The following AKAP8 variants were observed in gnomAD, a reference collection of about 807,000 sequenced individuals.
AKAP8 encodes the protein A-kinase anchor protein 8.
Under a neutral mutation model 67.5 loss-of-function variants are expected in AKAP8, and 24 were observed. That is an observed-to-expected ratio of 0.36 (90% CI 0.26 to 0.50). AKAP8 has a LOEUF of 0.50. AKAP8 is among the 20% of genes least tolerant of loss of function. The pLI, the probability that AKAP8 is intolerant of heterozygous loss-of-function variation, is 0.97. For missense variants in AKAP8, 971 were observed against 955.9 expected (o/e 1.02, Z -0.21); for synonymous variants, 400 against 371.1 (o/e 1.08, Z -0.90).
At position 15,373,987 on chromosome 19, in the gene AKAP8, G is replaced by C; in HGVS notation, c.170C>G (p.Ser57Trp). The C allele has an allele frequency of 1.2e-6, 2 of 1,612,892 alleles. No homozygotes were observed. Among genetic ancestry groups the C allele is most frequent in the Middle Eastern group, 1.7e-4 (1 of 5,982 alleles). Reference sequence around the variant, plus strand: ...ATCATTGGCCTTGGCGGCCTCCCACGAGGCTGGGCCGTAGCTGTAGGTTGC... The same window carrying C: ...ATCATTGGCCTTGGCGGCCTCCCACCAGGCTGGGCCGTAGCTGTAGGTTGC... ...TGATYSYGPA[S>W]WEAAKANDGG... Residue 57 changes from serine to tryptophan, a missense_variant, in exon 4 of 14, where the codon TCG becomes TGG. By Grantham distance (177) the Ser-to-Trp change is radical (BLOSUM62 -3). Coordinates refer to ENST00000269701, the MANE Select transcript of AKAP8 (RefSeq NM_005858.4).
chr19:15,371,843 A>G, intron 7 of AKAP8, 109 bp downstream of exon 7: 1 of 1,228,612 alleles, frequency 8.1e-7, no homozygotes, highest in South Asian at 1.3e-5. Context: ...ATCCACTCAG[A>G]GGTAGTCAAA....
chr19:15,360,088 TCG>T, intron 12 of AKAP8, among the ~76,000 whole-genome samples: 1 of 151,822 alleles, frequency 6.6e-6, no homozygotes, highest in African/African-American at 2.4e-5. Context: ...TGAACTGAGA[TCG>T]TGCCACTGCA....
At chr19:15,368,689 T>C (rs1967107744) in intron 8 of AKAP8, 11 of 985,198 alleles carry the variant, frequency 1.1e-5, no homozygotes, top group Non-Finnish European at 1.3e-5. Context: ...AGAAGCCAAT[T>C]CTCCCCGGAT....
At chr19:15,362,865 A>C (rs1966995193) in intron 9 of AKAP8, among the ~76,000 whole-genome samples, 1 of 143,222 alleles carries the variant, frequency 7.0e-6, no homozygotes, top group South Asian at 2.3e-4. Context: ...CCCAGTCTGG[A>C]AAGTGAGGAG....
chr19:15,363,448 C>A (rs1358053949), intron 9 of AKAP8, among the ~76,000 whole-genome samples: 2 of 141,858 alleles, frequency 1.4e-5, no homozygotes, highest in South Asian at 4.6e-4. Flanking sequence ...GAGGAGCCCC[C>A]CTGCCCGGCC....
rs1599571691 is a variant in AKAP8 at position 15,373,854 on chromosome 19, G to C, written c.303C>G (p.Asp101Glu). ...SLIAKINQRL[D>E]MMSKEGGRGG... ...CCCTGCCTCCTTCCTTGGACATCATGTCCAAACGCTGGTTGATCTTGGCAA... is the reference window on the plus strand; with the variant it reads ...CCCTGCCTCCTTCCTTGGACATCATCTCCAAACGCTGGTTGATCTTGGCAA... The change falls in exon 4 of 14, where the codon GAC becomes GAG. Residue 101 changes from aspartate (D) to glutamate (E), a missense_variant. Asp to Glu is a conservative substitution (Grantham distance 45, BLOSUM62 2). Transcript: ENST00000269701. 3 of 1,612,808 alleles carry C rather than the reference G, an allele frequency of 1.9e-6. No individual in the cohort carries two copies. Among genetic ancestry groups the C allele is most frequent in the South Asian group, 1.1e-5 (1 of 91,028 alleles).
intron 5 of AKAP8, 97 bp downstream of exon 5, chr19:15,372,754 A>C: frequency 7.1e-7 from 1 of 1,402,676 alleles, no homozygotes; most frequent in Non-Finnish European, 9.3e-7. Flanking sequence ...CGCACTTAAA[A>C]ACATTTAAGT....
At chr19:15,368,935 A>C (rs1266631593) in intron 8 of AKAP8, 3 of 985,934 alleles carry the variant, frequency 3.0e-6, no homozygotes. Context: ...GAAGAGACCA[A>C]TTGGTCCTCC....
At chr19:15,357,194 C>T (rs1431626789) in intron 13 of AKAP8, among the ~76,000 whole-genome samples, 2 of 151,170 alleles carry the variant, frequency 1.3e-5, no homozygotes, top group East Asian at 2.0e-4. Context: ...CTCCTGACCT[C>T]GTGATGCACC....
chr19:15,379,594 G>A, intron 1 of AKAP8, 119 bp downstream of exon 1: 2 of 1,192,862 alleles, frequency 1.7e-6, no homozygotes, highest in Non-Finnish European at 2.3e-6. Flanking sequence ...CTCTCCGGAG[G>A]GCCCAGCTGG....
intron 11 of AKAP8, 91 bp downstream of exon 11, chr19:15,361,638 C>T (rs771611563): frequency 1.7e-6 from 2 of 1,153,344 alleles, no homozygotes; most frequent in African/African-American, 1.5e-5. Context: ...AGGTGTGAGC[C>T]ACCGTGCCCG....
At chr19:15,378,366 C>T (rs922063747) in intron 1 of AKAP8, among the ~76,000 whole-genome samples, 2 of 152,114 alleles carry the variant, frequency 1.3e-5, no homozygotes, top group African/African-American at 4.8e-5. Context: ...AAAACGCTCC[C>T]GGAAACACAA....
chr19:15,357,649 A>C (rs559834359), intron 13 of AKAP8, among the ~76,000 whole-genome samples: 60 of 151,306 alleles, frequency 4.0e-4, no homozygotes, highest in Middle Eastern at 6.8e-3. Flanking sequence ...TTGACTCTGG[A>C]AACTTTTACC....
At chr19:15,368,140 G>C (rs1967097633) in intron 9 of AKAP8, 95 bp downstream of exon 9, 1 of 1,520,212 alleles carries the variant, frequency 6.6e-7, no homozygotes, top group Non-Finnish European at 8.9e-7. Context: ...AGGCCACCAG[G>C]CCCCCAGCAT....
At chr19:15,364,051 T>G (rs559922288) in intron 9 of AKAP8, among the ~76,000 whole-genome samples, 1 of 70,970 alleles carries the variant, frequency 1.4e-5, no homozygotes, top group African/African-American at 6.0e-5. Context: ...CCAAGAATGA[T>G]CAATAAAAAT....
At chr19:15,377,719 C>T (rs946545920) in intron 1 of AKAP8, among the ~76,000 whole-genome samples, 7 of 152,136 alleles carry the variant, frequency 4.6e-5, no homozygotes, top group Admixed American at 2.0e-4. Flanking sequence ...CCGCCAGCCT[C>T]GGCCTCCCAA....
chr19:15,368,085 C>G, intron 9 of AKAP8, 150 bp downstream of exon 9: 1 of 926,424 alleles, frequency 1.1e-6, no homozygotes, highest in East Asian at 2.6e-5. Context: ...TCTGCACTCC[C>G]AATTGTTTAC....
chr19:15,368,581 C>A, intron 8 of AKAP8: 1 of 985,248 alleles, frequency 1.0e-6, no homozygotes, highest in Non-Finnish European at 1.2e-6. Context: ...ACAGCCTGCC[C>A]ACCCCATGTG....
intron 2 of AKAP8, among the ~76,000 whole-genome samples, 186 bp downstream of exon 2, chr19:15,376,790 A>C (rs1439976814): frequency 6.6e-6 from 1 of 152,200 alleles, no homozygotes; most frequent in Admixed American, 6.5e-5. Context: ...CACATTTATG[A>C]CTGCTTTCCT....
Sources: allele counts gnomAD v4.1 joint callset (sites outside exome capture counted in the v4.1 genomes callset), GRCh38; gene constraint gnomAD v4.1.1; transcripts MANE v1.5; gene names NCBI Gene and HGNC (gene_info 2026-07-23, HGNC 2026-07-21).